The following ANK3 variants were observed in gnomAD, a reference collection of about 807,000 sequenced individuals.
ANK3 encodes ankyrin-3.
Under a neutral mutation model 370.9 loss-of-function variants are expected in ANK3, and 57 were observed. The ratio of observed to expected loss-of-function variants is 0.15; its 90% CI spans 0.12 to 0.19. The LOEUF is 0.19. ANK3 is among the 10% of genes least tolerant of loss of function. The pLI is 1.00. For missense variants in ANK3, 4,439 were observed against 5,302.1 expected (o/e 0.84, Z 5.06); for synonymous variants, 1,929 against 1,946.3 (o/e 0.99, Z 0.23).
At chr10:60,140,222 A>G (rs1230102046) in intron 23 of ANK3, 3 of 997,338 alleles carry the variant, frequency 3.0e-6, no homozygotes, top group African/African-American at 3.2e-5. Flanking sequence ...AACTAAACAG[A>G]TCAACTTTCT....
At chr10:60,230,662 G>A (rs2097226147) in intron 8 of ANK3, among the ~76,000 whole-genome samples, 1 of 152,164 alleles carries the variant, frequency 6.6e-6, no homozygotes, top group African/African-American at 2.4e-5. Flanking sequence ...AGGCTGAGAT[G>A]GGCAGATCAC....
intron 1 of ANK3, among the ~76,000 whole-genome samples, chr10:60,699,260 C>A (rs1338727919): frequency 6.6e-6 from 1 of 151,642 alleles, no homozygotes; most frequent in Non-Finnish European, 1.5e-5. Context: ...ACCATCTGTA[C>A]CCCAGTAACC....
chr10:60,420,258 C>G (rs1247913129), intron 2 of ANK3, among the ~76,000 whole-genome samples: 3 of 152,090 alleles, frequency 2.0e-5, no homozygotes, highest in Non-Finnish European at 4.4e-5. Flanking sequence ...CCATGCAACA[C>G]TATTTAAAAA....
Position 60,198,604 on chromosome 10 carries a change from C to T in ANK3, c.1492-67G>A, listed in dbSNP as rs918741505. The T allele has an allele frequency of 8.4e-5, 122 of 1,445,530 alleles. No homozygotes were observed. In the African/African-American group the frequency reaches 1.4e-3, roughly 17 times the overall value. 89.5% of individuals were successfully genotyped at this position (1,445,530 alleles called of 1,614,324 possible). A position where few individuals can be genotyped will look rare whatever the true frequency, so the allele number is the denominator to read the frequency against. ...AACAATGGTGCCTTTATGAAAAATT[C>T]AGGGAATATTAGCTGCTTGATGTAA... On this transcript the variant is annotated intron_variant, in intron 13 of 43. Transcript: ENST00000280772.
At chr10:60,319,567 G>C (rs2048186176) in intron 1 of ANK3, among the ~76,000 whole-genome samples, 1 of 152,108 alleles carries the variant, frequency 6.6e-6, no homozygotes, top group Non-Finnish European at 1.5e-5. Context: ...CAGTCCCCAA[G>C]ATGCTTTAAA....
At chr10:60,495,564 T>C (rs1474244362) in intron 2 of ANK3, among the ~76,000 whole-genome samples, 1 of 152,194 alleles carries the variant, frequency 6.6e-6, no homozygotes, top group East Asian at 1.9e-4. Flanking sequence ...TTGCTCATTG[T>C]GCACAAGGGG....
At chr10:60,623,653 A>C (rs185342700) in intron 1 of ANK3, among the ~76,000 whole-genome samples, 321 of 152,326 alleles carry the variant, frequency 2.1e-3, no homozygotes, top group African/African-American at 7.3e-3. Context: ...TCATTAGAGA[A>C]ATTTACCTGG....
chr10:60,483,690 G>A (rs778054185), intron 2 of ANK3, among the ~76,000 whole-genome samples: 8 of 152,074 alleles, frequency 5.3e-5, no homozygotes, highest in South Asian at 2.1e-4. Context: ...CAATGATTTC[G>A]AAGCCTGAAT....
intron 1 of ANK3, among the ~76,000 whole-genome samples, chr10:60,649,121 T>TC (rs2078752718): frequency 1.3e-5 from 2 of 152,172 alleles, no homozygotes; most frequent in African/African-American, 4.8e-5. Flanking sequence ...CAAGACAGAT[T>TC]CAAGATACCC....
chr10:60,388,034 C>T (rs994575221), intron 1 of ANK3, among the ~76,000 whole-genome samples: 1 of 151,988 alleles, frequency 6.6e-6, no homozygotes, highest in Non-Finnish European at 1.5e-5. Context: ...GTGGTAGTGA[C>T]CTACCCACAG....
In ANK3 at chr10:60,056,026, A is replaced by T. The variant is rs1358161814; in HGVS notation, c.12697T>A (p.Cys4233Ser). Residue 4233 changes from cysteine to serine, a missense_variant, in exon 42 of 44, where the codon TGT becomes AGT. Physicochemically the swap from Cys to Ser is moderately radical, Grantham distance 112. Coordinates refer to ENST00000280772, the MANE Select transcript of ANK3 (RefSeq NM_020987.5). ...AGATATGAGGTAATGGAATCTCTAC[A>T]CTGGTCAGGGCTGCAACAGAAAATT... ...LDRLDDSPDQ[C>S]RDSITSYLKG... 1.2e-6 allele frequency: 2 copies of T among 1,611,538 alleles called. No homozygotes were observed. The highest frequency in any genetic ancestry group is 2.2e-5 in the South Asian group (2 of 90,824).
intron 2 of ANK3, among the ~76,000 whole-genome samples, chr10:60,522,711 C>T (rs2076376671): frequency 6.6e-6 from 1 of 151,966 alleles, no homozygotes; most frequent in Non-Finnish European, 1.5e-5. Flanking sequence ...TTTTATAATC[C>T]TCATAAGGCT....
chr10:60,697,879 G>C (rs1362385776), intron 1 of ANK3, among the ~76,000 whole-genome samples: 1 of 151,302 alleles, frequency 6.6e-6, no homozygotes, highest in Non-Finnish European at 1.5e-5. Flanking sequence ...AAAAGCAATG[G>C]CAACAAAAGC....
chr10:60,438,967 C>A (rs1476973204), intron 2 of ANK3, among the ~76,000 whole-genome samples: 3 of 152,202 alleles, frequency 2.0e-5, no homozygotes, highest in Non-Finnish European at 4.4e-5. Flanking sequence ...CCTAGTCTGT[C>A]ATTCCCTTTC....
At chr10:60,718,336 AC>A (rs1175575818) in intron 1 of ANK3, among the ~76,000 whole-genome samples, 2 of 152,192 alleles carry the variant, frequency 1.3e-5, no homozygotes, top group African/African-American at 4.8e-5. Context: ...AATTTAAAAA[AC>A]ATTATTTTAA....
chr10:60,122,601 T>C (rs2093551838), intron 25 of ANK3, among the ~76,000 whole-genome samples: 2 of 152,266 alleles, frequency 1.3e-5, no homozygotes, highest in Non-Finnish European at 2.9e-5. Flanking sequence ...TCAGTCTTAG[T>C]TTCTGCATTT....
chr10:60,169,865 C>T (rs1026767582), intron 21 of ANK3, among the ~76,000 whole-genome samples: 26 of 152,090 alleles, frequency 1.7e-4, no homozygotes, highest in African/African-American at 5.6e-4. Flanking sequence ...TCATATGTCC[C>T]TTCAACATAC....
At position 60,084,754 on chromosome 10, in the gene ANK3, C is replaced by T; in HGVS notation, c.3922G>A (p.Val1308Ile). 1 of 1,612,900 alleles carries T rather than the reference C, an allele frequency of 6.2e-7. No homozygotes were observed. The change falls in exon 32 of 44, where the codon GTT (valine) becomes ATT (isoleucine). Residue 1308 changes from valine to isoleucine, a missense_variant. Coordinates refer to ENST00000280772, the MANE Select transcript of ANK3 (RefSeq NM_020987.5). The stretch of plus-strand genomic sequence containing the variant: ...ACAACAAACTTGGCCATATATGGAA[C>T]ACATATCAATTCTCTGTACAGTTGC... ...ATQLYRELIC[V>I]PYMAKFVVFA...
At chr10:60,370,768 G>T (rs1203565822) in intron 1 of ANK3, among the ~76,000 whole-genome samples, 1 of 152,168 alleles carries the variant, frequency 6.6e-6, no homozygotes, top group Non-Finnish European at 1.5e-5. Context: ...CAGCTTGGTA[G>T]ATTTCCGTGT....
Sources: gnomAD v4.1 joint callset for allele counts (sites outside exome capture counted in the v4.1 genomes callset) on GRCh38, gnomAD v4.1.1 for gene constraint, MANE v1.5 for transcripts, NCBI Gene and HGNC (gene_info 2026-07-23, HGNC 2026-07-21) for gene names.